The following PAK3 variants were observed in gnomAD, a reference collection of about 807,000 sequenced individuals.
The protein encoded by PAK3 is serine/threonine-protein kinase PAK 3.
A neutral mutation model predicts 41.0 loss-of-function variants in PAK3; 4 were observed. The ratio of observed to expected loss-of-function variants is 0.10; its 90% CI spans 0.05 to 0.22. The LOEUF (loss-of-function observed/expected upper bound fraction) is 0.22, where lower values mean the gene tolerates loss of function less well. PAK3 is among the 10% of genes least tolerant of loss of function. The pLI, the probability that PAK3 is intolerant of heterozygous loss-of-function variation, is 1.00. For missense variants in PAK3, 205 were observed against 409.9 expected, an observed-to-expected ratio of 0.50 and a Z score of 4.32; for synonymous variants, 146 against 139.6, an observed-to-expected ratio of 1.05 and a Z score of -0.32.
In PAK3 at chrX:111,031,350, G is replaced by C. The variant is rs376721972; in HGVS notation, c.-28+86722G>C. ...GAATCCCTGGAAACCAACCCTAAAA[G>C]ATTAGGCATCCTCCTGTAGAGAAAA... On this transcript the variant is annotated intron_variant, in intron 1 of 14. Coordinates refer to the PAK3 transcript ENST00000425146. Among the ~76,000 whole-genome samples, 3 of 111,546 alleles carry C rather than the reference G, an allele frequency of 2.7e-5. No homozygotes were observed. In the East Asian group the frequency reaches 8.5e-4, roughly 32 times the overall value.
chrX:111,081,433 A>T (rs781306849), intron 1 of PAK3, among the ~76,000 whole-genome samples: 6 of 110,620 alleles, frequency 5.4e-5, no homozygotes, highest in Non-Finnish European at 1.1e-4. Flanking sequence ...TGAACACAGG[A>T]GGTTGAGATT....
At chrX:111,144,832 A>T in intron 6 of PAK3, 1 of 954,287 alleles carries the variant, frequency 1.0e-6, no homozygotes, top group Non-Finnish European at 1.5e-6. Context: ...CATCCTTTAT[A>T]TTGCCATTTT....
chrX:111,006,434 G>A (rs1336792467), intron 1 of PAK3, among the ~76,000 whole-genome samples: 2 of 111,802 alleles, frequency 1.8e-5, no homozygotes, highest in Non-Finnish European at 3.8e-5. Context: ...ATGTAAAGGA[G>A]GAATAAAGCA....
intron 1 of PAK3, among the ~76,000 whole-genome samples, chrX:111,025,975 T>C (rs967496382): frequency 8.9e-6 from 1 of 111,807 alleles, no homozygotes; most frequent in East Asian, 2.8e-4. Flanking sequence ...GTGAGTTTCA[T>C]ATGAGGGATG....
chrX:111,052,450 C>T (rs1030216080), intron 1 of PAK3, among the ~76,000 whole-genome samples: 2 of 112,680 alleles, frequency 1.8e-5, no homozygotes, highest in Non-Finnish European at 3.7e-5. Flanking sequence ...ATAATAATGA[C>T]AGCCAACATT....
At chrX:111,040,199 C>A (rs1478964533) in intron 1 of PAK3, among the ~76,000 whole-genome samples, 1 of 109,910 alleles carries the variant, frequency 9.1e-6, no homozygotes, top group South Asian at 3.9e-4. Context: ...CAAGTTCCAC[C>A]GAATGAGTTA....
At chrX:111,203,250 T>G (rs2094703465) in intron 16 of PAK3, among the ~76,000 whole-genome samples, 1 of 112,273 alleles carries the variant, frequency 8.9e-6, no homozygotes, top group African/African-American at 3.2e-5. Flanking sequence ...TAAAAACTTA[T>G]GAGTAATACT....
chrX:111,023,833 A>T (rs971100414), intron 1 of PAK3, among the ~76,000 whole-genome samples: 21 of 111,137 alleles, frequency 1.9e-4, no homozygotes, highest in African/African-American at 6.9e-4. Flanking sequence ...TTTTCTCCCA[A>T]TCTGTAGGTT....
chrX:111,130,533 A>G (rs1171280196), intron 5 of PAK3, among the ~76,000 whole-genome samples: 2 of 111,971 alleles, frequency 1.8e-5, no homozygotes, highest in East Asian at 2.8e-4. Context: ...TAGAATCTTC[A>G]TTAGATATCT....
intron 5 of PAK3, among the ~76,000 whole-genome samples, chrX:111,138,344 G>A (rs972146704): frequency 4.3e-4 from 48 of 111,450 alleles, no homozygotes; most frequent in African/African-American, 1.6e-3. Flanking sequence ...GCTGGGGAAT[G>A]TGAGAATAAA....
chrX:111,094,453 T>C (rs1421988597), upstream of PAK3, among the ~76,000 whole-genome samples: 3 of 111,181 alleles, frequency 2.7e-5, no homozygotes, highest in African/African-American at 9.8e-5. Flanking sequence ...CATTAATATA[T>C]ATATTTTGAA....
chrX:111,064,061 A>G (rs1046933525), intron 1 of PAK3, among the ~76,000 whole-genome samples: 2 of 111,076 alleles, frequency 1.8e-5, no homozygotes, highest in East Asian at 5.7e-4. Flanking sequence ...CCCTTTGTGT[A>G]CCCTGAGCTA....
intron 8 of PAK3, among the ~76,000 whole-genome samples, chrX:111,156,727 A>G (rs1364423867): frequency 8.9e-6 from 1 of 111,809 alleles, no homozygotes; most frequent in East Asian, 2.8e-4. Context: ...TTTTAAACTC[A>G]TGATTCTGTA....
At chrX:111,052,318 G>A (rs2092565971) in intron 1 of PAK3, among the ~76,000 whole-genome samples, 1 of 112,622 alleles carries the variant, frequency 8.9e-6, no homozygotes, top group Non-Finnish European at 1.9e-5. Flanking sequence ...ACCTTGGAAT[G>A]TTGACCAGAG....
chrX:111,216,531 G>C lies in PAK3; in HGVS notation c.1518G>C (p.Arg506Ser), dbSNP rs377693111. ...LNRCLEMDVDRRGSAKELLQH... is the reference protein window; with the variant it reads ...LNRCLEMDVDSRGSAKELLQH... Reference sequence around the variant, plus strand: ...GCTGTCTTGAGATGGATGTGGATAGGCGAGGATCTGCCAAGGAGCTTTTGC... The same window carrying C: ...GCTGTCTTGAGATGGATGTGGATAGCCGAGGATCTGCCAAGGAGCTTTTGC... Residue 506 changes from arginine to serine, a missense_variant, in exon 17 of 18, where the codon AGG becomes AGC. Coordinates refer to ENST00000372007, the MANE Select transcript of PAK3 (RefSeq NM_002578.5). 1 of 1,199,078 alleles carries C rather than the reference G, an allele frequency of 8.3e-7. No individual in the cohort carries two copies. The highest frequency in any genetic ancestry group is 1.1e-6 in the Non-Finnish European group (1 of 885,406).
chrX:111,138,177 A>C (rs1210432955), intron 5 of PAK3, among the ~76,000 whole-genome samples: 2 of 109,916 alleles, frequency 1.8e-5, no homozygotes, highest in Non-Finnish European at 3.8e-5. Context: ...CCCTGGGTAT[A>C]TGATTTAACC....
chrX:111,151,252 G>A (rs1487981419), intron 7 of PAK3, among the ~76,000 whole-genome samples: 2 of 112,471 alleles, frequency 1.8e-5, no homozygotes, highest in Non-Finnish European at 3.8e-5. Flanking sequence ...TCATTTCACT[G>A]TAACCAAGAA....
chrX:110,959,053 A>T (rs1435427067), intron 1 of PAK3, among the ~76,000 whole-genome samples: 1 of 112,274 alleles, frequency 8.9e-6, no homozygotes, highest in Non-Finnish European at 1.9e-5. Flanking sequence ...TATGAGCAAG[A>T]TACATAAGGC....
intron 10 of PAK3, among the ~76,000 whole-genome samples, chrX:111,164,415 C>A (rs186994207): frequency 8.0e-4 from 89 of 111,206 alleles, no homozygotes; most frequent in African/African-American, 2.6e-3. Flanking sequence ...AAGTGCCCCC[C>A]CCAACCCCAG....
Sources: gnomAD v4.1 joint callset for allele counts (sites outside exome capture counted in the v4.1 genomes callset) on GRCh38, gnomAD v4.1.1 for gene constraint, MANE v1.5 for transcripts, NCBI Gene and HGNC (gene_info 2026-07-23, HGNC 2026-07-21) for gene names.